The following HTT variants were observed in gnomAD, a reference collection of about 807,000 sequenced individuals.
HTT encodes the protein huntington disease protein.
Under a neutral mutation model 362.3 loss-of-function variants are expected in HTT, and 104 were observed. That is an observed-to-expected ratio of 0.29 (90% CI 0.24 to 0.34). The LOEUF (loss-of-function observed/expected upper bound fraction) is 0.34. Among genes scored for constraint, HTT ranks in the 10% least tolerant of loss-of-function variants. HTT has a pLI of 1.00. For synonymous variants in HTT, 1,577 were observed against 1,548.7 expected (o/e 1.02, Z -0.43); for missense variants, 3,301 against 3,928.6 (o/e 0.84, Z 4.27).
intron 40 of HTT, among the ~76,000 whole-genome samples, chr4:3,190,587 A>T (rs1164059433): frequency 6.6e-6 from 1 of 151,654 alleles, no homozygotes; most frequent in Non-Finnish European, 1.5e-5. Context: ...AAAATAAAAA[A>T]AAATAGCCAG....
chr4:3,195,777 G>A (rs990697653), intron 40 of HTT, among the ~76,000 whole-genome samples: 3 of 152,144 alleles, frequency 2.0e-5, no homozygotes, highest in Admixed American at 6.5e-5. Context: ...GTGGGAATTC[G>A]GGGACCCAGG....
rs550759605 is a variant in HTT, at chr4:3,148,793, G to T, written c.3498+586G>T. The stretch of plus-strand genomic sequence containing the variant: ...AGCCTGGGTGACAGAGCGAGACTCC[G>T]TCTCAAAAAAAAAATTAGATGGGCA... On this transcript the variant is annotated intron_variant, in intron 26 of 66. Coordinates refer to ENST00000355072, the MANE Select transcript of HTT (RefSeq NM_001388492.1). Among the ~76,000 whole-genome samples, 5 of 149,026 alleles carry T rather than the reference G, an allele frequency of 3.4e-5. No individual in the cohort carries two copies. The East Asian group carries it at 8.0e-4, about 24-fold the overall frequency.
chr4:3,122,797 T>G, intron 9 of HTT, 92 bp from the exon 10 acceptor site: 1 of 1,018,018 alleles, frequency 9.8e-7, no homozygotes, highest in Non-Finnish European at 1.5e-6. Flanking sequence ...TTTCTCTAGT[T>G]TTAAAGTTGA....
intron 2 of HTT, among the ~76,000 whole-genome samples, chr4:3,089,179 A>G (rs1485544842): frequency 6.6e-6 from 1 of 152,218 alleles, no homozygotes; most frequent in Non-Finnish European, 1.5e-5. Context: ...AAGCAACTGC[A>G]TAGATATGTT....
chr4:3,130,474 A>G, intron 14 of HTT, 51 bp downstream of exon 14: 2 of 1,017,320 alleles, frequency 2.0e-6, no homozygotes, highest in Non-Finnish European at 3.0e-6. Context: ...TTGTGTGAGG[A>G]TTTAAAATCG....
intron 40 of HTT, among the ~76,000 whole-genome samples, chr4:3,195,641 T>G (rs1389763850): frequency 6.6e-6 from 1 of 152,034 alleles, no homozygotes; most frequent in African/African-American, 2.4e-5. Flanking sequence ...TTGTCTTTGT[T>G]AGGTAATGGT....
intron 1 of HTT, among the ~76,000 whole-genome samples, chr4:3,077,619 C>T (rs956488961): frequency 2.0e-5 from 3 of 152,026 alleles, no homozygotes; most frequent in African/African-American, 7.3e-5. Context: ...GGGGTTTCAC[C>T]ATGTTGGCCA....
At chr4:3,224,210 T>C in intron 56 of HTT, 79 bp downstream of exon 56, 1 of 1,458,808 alleles carries the variant, frequency 6.9e-7, no homozygotes, top group Non-Finnish European at 9.5e-7. Context: ...ACCACACCAG[T>C]GATGCGGGAA....
intron 6 of HTT, among the ~76,000 whole-genome samples, chr4:3,110,115 C>T (rs1432841025): frequency 3.9e-5 from 6 of 152,176 alleles, no homozygotes; most frequent in Non-Finnish European, 8.8e-5. Context: ...TTCCTCAGAC[C>T]CTGGTTCCTT....
In HTT at chr4:3,240,622, AT is replaced by A. The variant is rs1394791949; in HGVS notation, c.*566del. On this transcript the variant is annotated 3_prime_UTR_variant, in exon 67 of 67. Transcript: ENST00000355072. Reference sequence around the variant, plus strand: ...CTCTCTTTTCTTCTCAGGATTTAAAATTTAATTATATCAGTAAAGAGATTAA... The same window carrying A: ...CTCTCTTTTCTTCTCAGGATTTAAAATTAATTATATCAGTAAAGAGATTAA... 2 of 157,326 alleles carry A rather than the reference AT, an allele frequency of 1.3e-5. No homozygotes were observed. The highest frequency in any genetic ancestry group is 4.8e-5 in the African/African-American group (2 of 41,502). The allele number at this position is 157,326 out of a possible 1,614,324, so 9.7% of individuals were successfully genotyped here. A position where few individuals can be genotyped will look rare whatever the true frequency, so the allele number is the denominator to read the frequency against.
rs151040757 is a variant in HTT, at chr4:3,218,933, C to CTGTG, written c.7242+992_7242+995dup. Among the ~76,000 whole-genome samples, 14 of 151,872 alleles carry CTGTG rather than the reference C, an allele frequency of 9.2e-5. No homozygotes were observed. The highest frequency in any genetic ancestry group is 3.4e-4 in the African/African-American group (14 of 41,482). On this transcript the variant is annotated intron_variant, in intron 52 of 66. Transcript: ENST00000355072. This position sits in a 1 kb window ranked among gnomAD's most constrained non-coding sequence, Gnocchi z 4.4. ...CTGCCTGAGAAGGGTGCGTGCCTGC[C>CTGTG]TGTGTGTGTGTGTGCACGTGTGTGT...
intron 10 of HTT, among the ~76,000 whole-genome samples, chr4:3,124,173 T>C (rs1407271711): frequency 6.6e-6 from 1 of 152,196 alleles, no homozygotes; most frequent in Non-Finnish European, 1.5e-5. Flanking sequence ...CTAGGAAAAA[T>C]TAATGTCTAT....
At chr4:3,082,923 G>A (rs1181407342) in intron 1 of HTT, among the ~76,000 whole-genome samples, 2 of 152,144 alleles carry the variant, frequency 1.3e-5, no homozygotes, top group African/African-American at 2.4e-5. Context: ...AAAAACAACC[G>A]AATGAGGGGA....
intron 25 of HTT, among the ~76,000 whole-genome samples, chr4:3,147,315 T>A (rs2110204849): frequency 6.6e-6 from 1 of 152,222 alleles, no homozygotes; most frequent in African/African-American, 2.4e-5. Flanking sequence ...GGGATACACG[T>A]AAACAAAAGT....
intron 37 of HTT, among the ~76,000 whole-genome samples, chr4:3,183,534 G>A (rs1489877007): frequency 1.3e-5 from 2 of 152,206 alleles, no homozygotes; most frequent in Non-Finnish European, 2.9e-5. Flanking sequence ...TTTAAACTTA[G>A]AGGCATGTGA....
intron 1 of HTT, among the ~76,000 whole-genome samples, chr4:3,083,530 TACACACACACAC>T (rs56210756): frequency 0.052 from 6,471 of 125,010 alleles, 217 homozygotes; most frequent in East Asian, 0.082. Context: ...TCTCTAAATA[TACACACACACAC>T]ACACACACAC....
At position 3,209,855 on chromosome 4, in the gene HTT, A is replaced by G. The variant is rs1471955955; in HGVS notation, c.6320A>G (p.Gln2107Arg). Residue 2107 changes from glutamine to arginine, a missense_variant, in exon 47 of 67, where the codon CAG (glutamine) becomes CGG (arginine). Gln to Arg is a conservative substitution (Grantham distance 43). Coordinates refer to ENST00000355072, the MANE Select transcript of HTT (RefSeq NM_001388492.1). ...TGGTACGTTCATCTTGTCAAATCCC[A>G]GTGTTGGACCAGGTCAGATTCTGCA... ...KDWYVHLVKS[Q>R]CWTRSDSALL... 2 of 1,614,066 alleles carry G rather than the reference A, an allele frequency of 1.2e-6. No individual in the cohort carries two copies. The highest frequency in any genetic ancestry group is 1.7e-4 in the Middle Eastern group (1 of 6,050).
chr4:3,078,870 G>A (rs2110133650), intron 1 of HTT, among the ~76,000 whole-genome samples: 2 of 152,250 alleles, frequency 1.3e-5, no homozygotes, highest in Admixed American at 1.3e-4. Context: ...AAGTAGCTGG[G>A]ACTACAGGCG....
chr4:3,180,485 C>T, intron 35 of HTT, 30 bp from the exon 36 acceptor site: 1 of 1,523,080 alleles, frequency 6.6e-7, no homozygotes, highest in South Asian at 1.3e-5. Flanking sequence ...CCATGAAATG[C>T]CTGATAAGGG....
Sources: allele counts gnomAD v4.1 joint callset (sites outside exome capture counted in the v4.1 genomes callset), GRCh38; gene constraint gnomAD v4.1.1; non-coding constraint Gnocchi (gnomAD v3.1); transcripts MANE v1.5; gene names NCBI Gene and HGNC (gene_info 2026-07-23, HGNC 2026-07-21).